The following FUT8 variants were observed in gnomAD, a reference collection of about 807,000 sequenced individuals.
FUT8 encodes fucosyltransferase 8.
FUT8 carries 29 observed loss-of-function variants against 71.3 expected under a neutral mutation model. The observed-to-expected ratio is 0.41, with a 90% CI of 0.30 to 0.55. The LOEUF (loss-of-function observed/expected upper bound fraction) is 0.55, where lower values mean the gene tolerates loss of function less well. Ranked by LOEUF, FUT8 falls within the 20% of genes least tolerant of loss-of-function variation. FUT8 has a pLI of 0.34. For synonymous variants in FUT8, 254 were observed against 239.3 expected, an observed-to-expected ratio of 1.06 and a Z score of -0.57; for missense variants, 544 against 702.1, an observed-to-expected ratio of 0.77 and a Z score of 2.55.
intron 5 of FUT8, among the ~76,000 whole-genome samples, chr14:65,624,614 G>GTA (rs1272112240): frequency 2.0e-5 from 3 of 152,134 alleles, no homozygotes; most frequent in African/African-American, 7.2e-5. Context: ...AATGCTTTTT[G>GTA]TTTCTGTATC....
intron 2 of FUT8, among the ~76,000 whole-genome samples, chr14:65,527,271 C>A (rs1055385649): frequency 1.3e-5 from 2 of 152,100 alleles, no homozygotes; most frequent in African/African-American, 4.8e-5. Context: ...TCTTTTTACT[C>A]TTTTTTTGTC....
At chr14:65,359,258 T>G in the FUT8 span, among the ~76,000 whole-genome samples, 4 of 152,212 alleles carry the variant, frequency 2.6e-5, no homozygotes, top group Non-Finnish European at 5.9e-5. Context: ...CAAGGACACA[T>G]GCTCTGCTGC....
chr14:65,494,427 T>C (rs1225889211), intron 2 of FUT8, among the ~76,000 whole-genome samples: 7 of 152,136 alleles, frequency 4.6e-5, no homozygotes, highest in Non-Finnish European at 8.8e-5. Context: ...AAAAGGTTTA[T>C]TGTAGTTGCT....
At chr14:65,442,028 A>G (rs569767592) in intron 1 of FUT8, among the ~76,000 whole-genome samples, 22 of 151,906 alleles carry the variant, frequency 1.4e-4, no homozygotes, top group African/African-American at 5.3e-4. Context: ...GTTCCCACCT[A>G]TGTTTACTCA....
intron 6 of FUT8, among the ~76,000 whole-genome samples, chr14:65,637,773 G>A (rs930053135): frequency 6.6e-6 from 1 of 151,996 alleles, no homozygotes; most frequent in Non-Finnish European, 1.5e-5. Flanking sequence ...CAAACAGAGG[G>A]GCCCTGAAAG....
intron 7 of FUT8, among the ~76,000 whole-genome samples, chr14:65,692,973 G>A (rs868494533): frequency 8.7e-5 from 13 of 149,090 alleles, no homozygotes; most frequent in South Asian, 2.1e-4. Context: ...GGCGCTCCTC[G>A]CTTCCTAGAT....
chr14:65,637,828 G>A (rs770394426), intron 6 of FUT8, among the ~76,000 whole-genome samples: 108 of 152,242 alleles, frequency 7.1e-4, no homozygotes, highest in Non-Finnish European at 1.2e-3. Flanking sequence ...TTGTGTGGCA[G>A]AAGCCAGGAA....
chr14:65,508,067 CTTTT>C (rs71446303), intron 2 of FUT8, among the ~76,000 whole-genome samples: 6 of 126,028 alleles, frequency 4.8e-5, no homozygotes, highest in Admixed American at 8.3e-5. Flanking sequence ...ATGTTAAACA[CTTTT>C]TTTTTTTTTT....
rs889246534 is a variant in FUT8, at chr14:65,483,567, C to T, written c.-228+27849C>T. Among the ~76,000 whole-genome samples the T allele has an allele frequency of 6.6e-6, 1 of 152,144 alleles. No homozygotes were observed. The highest frequency in any genetic ancestry group is 2.4e-5 in the African/African-American group (1 of 41,420). On this transcript the variant is annotated intron_variant, in intron 2 of 10. Transcript: ENST00000673929. The surrounding 1 kb of genome is among the most constrained non-coding windows in gnomAD (Gnocchi z 4.4). ...CTTAACGATATCAAGTCTTCTGACT[C>T]ATGAATAAAATGTCTCCATTTATTT...
At chr14:65,474,934 C>T (rs1272860190) in intron 2 of FUT8, among the ~76,000 whole-genome samples, 1 of 152,184 alleles carries the variant, frequency 6.6e-6, no homozygotes, top group Non-Finnish European at 1.5e-5. Flanking sequence ...AGCAGTCCTC[C>T]TGCCTCGGCC....
chr14:65,373,267 G>C, the FUT8 span, among the ~76,000 whole-genome samples: 1 of 151,510 alleles, frequency 6.6e-6, no homozygotes, highest in Non-Finnish European at 1.5e-5. Context: ...AATGACAACA[G>C]GCATTCCTGT....
chr14:65,536,583 A>T (rs927473703), intron 2 of FUT8, among the ~76,000 whole-genome samples: 2 of 152,102 alleles, frequency 1.3e-5, no homozygotes, highest in Admixed American at 6.5e-5. Flanking sequence ...ATAGACCCCC[A>T]ATCTCTTCTG....
At position 65,472,117 on chromosome 14, in the gene FUT8, G is replaced by A. The variant is rs1381363545; in HGVS notation, c.-228+16399G>A. On this transcript the variant is annotated intron_variant, in intron 2 of 10. Transcript: ENST00000673929. The surrounding 1 kb of genome is among the most constrained non-coding windows in gnomAD (Gnocchi z 4.4). ...TAATTTATAAAGAGTTTGATTTACCGCACAGTTCTGCAGGCTGTACAAGAA... is the reference window on the plus strand; with the variant it reads ...TAATTTATAAAGAGTTTGATTTACCACACAGTTCTGCAGGCTGTACAAGAA... Among the ~76,000 whole-genome samples the A allele has an allele frequency of 6.6e-6, 1 of 152,094 alleles. No homozygotes were observed. The highest frequency in any genetic ancestry group is 2.4e-5 in the African/African-American group (1 of 41,416).
intron 8 of FUT8, 57 bp downstream of exon 8, chr14:65,722,078 C>A: frequency 6.3e-7 from 1 of 1,578,788 alleles, no homozygotes; most frequent in South Asian, 1.1e-5. Context: ...GGTTATGTAT[C>A]TTTACAATAT....
At chr14:65,480,062 A>G (rs372370974) in intron 2 of FUT8, among the ~76,000 whole-genome samples, 1 of 152,118 alleles carries the variant, frequency 6.6e-6, no homozygotes, top group East Asian at 1.9e-4. Context: ...ATTAATGACC[A>G]CATGTTTGGA....
intron 6 of FUT8, among the ~76,000 whole-genome samples, chr14:65,650,798 A>G (rs535547776): frequency 6.6e-6 from 1 of 151,844 alleles, no homozygotes; most frequent in East Asian, 1.9e-4. Context: ...CTTCCTATAT[A>G]TCCCAGCCAA....
At chr14:65,572,774 A>T (rs1209974854) in intron 3 of FUT8, among the ~76,000 whole-genome samples, 1 of 152,198 alleles carries the variant, frequency 6.6e-6, no homozygotes. Flanking sequence ...ATGTATGCAC[A>T]TAACAACAAA....
At chr14:65,474,280 C>G (rs909644218) in intron 2 of FUT8, among the ~76,000 whole-genome samples, 1 of 151,282 alleles carries the variant, frequency 6.6e-6, no homozygotes, top group African/African-American at 2.4e-5. Flanking sequence ...CACTTGTACT[C>G]CAAAAGCTAT....
rs116881460 is a variant in FUT8 at position 65,483,298 on chromosome 14, C to T, written c.-228+27580C>T. 3.2e-3 allele frequency among the ~76,000 whole-genome samples: 493 copies of T among 152,316 alleles called. 2 individuals are homozygous for T. The East Asian group carries it at 0.035, about 11-fold the overall frequency. ...AAGCTCTTGCCTTGGTGTTCTGTGT[C>T]AGCCTAGGGAGCATTGGCTACTCTT... On this transcript the variant is annotated intron_variant, in intron 2 of 10. Coordinates refer to ENST00000673929, the MANE Select transcript of FUT8 (RefSeq NM_001371533.1). This position sits in a 1 kb window ranked among gnomAD's most constrained non-coding sequence, Gnocchi z 4.4.
Sources: gnomAD v4.1 joint callset for allele counts (sites outside exome capture counted in the v4.1 genomes callset) on GRCh38, gnomAD v4.1.1 for gene constraint, Gnocchi (gnomAD v3.1) non-coding constraint, MANE v1.5 for transcripts, NCBI Gene and HGNC (gene_info 2026-07-23, HGNC 2026-07-21) for gene names.